Variants in PDIA5 observed in about 807,000 individuals in gnomAD.
PDIA5 encodes the protein protein disulfide-isomerase A5.
PDIA5 carries 58 observed loss-of-function variants against 77.6 expected under a neutral mutation model. That is an observed-to-expected ratio of 0.75 (90% CI 0.61 to 0.93). The LOEUF is 0.93. Among genes scored for constraint, PDIA5 ranks in the 40% least tolerant of loss-of-function variants. The probability of loss-of-function intolerance (pLI) is 0.00; values close to 1 mark genes in which losing one functional copy is unlikely to be tolerated. For synonymous variants in PDIA5, 250 were observed against 252.1 expected (o/e 0.99, Z 0.08); for missense variants, 630 against 647.7 (o/e 0.97, Z 0.30).
chr3:123,154,568 G>A (rs151288091), intron 14 of PDIA5, among the ~76,000 whole-genome samples: 2 of 152,230 alleles, frequency 1.3e-5, no homozygotes, highest in East Asian at 1.9e-4. Flanking sequence ...GTCAGGAAAT[G>A]GAGAGATTTG....
chr3:123,107,242 A>G (rs1288402942), intron 6 of PDIA5, among the ~76,000 whole-genome samples: 1 of 152,188 alleles, frequency 6.6e-6, no homozygotes, highest in Non-Finnish European at 1.5e-5. Flanking sequence ...TTAGATTTCC[A>G]GAGACTTGAG....
Position 123,145,618 on chromosome 3 carries a change from C to G in PDIA5, c.981+26C>G, listed in dbSNP as rs369994603. 14 of 1,571,518 alleles carry G rather than the reference C, an allele frequency of 8.9e-6. No homozygotes were observed. In the African/African-American group the frequency reaches 1.8e-4, roughly 20 times the overall value. On this transcript the variant is annotated intron_variant, in intron 12 of 16. Transcript: ENST00000316218. ...GTAAGCTTCCTTTCCTTCCCCCTCA[C>G]CGTTCTCTTTGAAAGAATCACTGAC... is the stretch of plus-strand genomic sequence containing the variant.
chr3:123,106,663 C>T, intron 5 of PDIA5, 86 bp from the exon 6 acceptor site: 1 of 922,596 alleles, frequency 1.1e-6, no homozygotes, highest in South Asian at 1.4e-5. Flanking sequence ...GGTCTCCAGG[C>T]AGGGAAAGAG....
At chr3:123,116,363 A>G (rs836840) in intron 8 of PDIA5, 65 bp downstream of exon 8, 935,090 of 1,224,990 alleles carry the variant, frequency 0.76, 360,500 homozygotes, top group Non-Finnish European at 0.79. Flanking sequence ...GAAGGGTGCC[A>G]GGGGTGGGGT....
intron 11 of PDIA5, among the ~76,000 whole-genome samples, chr3:123,139,901 A>G (rs1473549358): frequency 1.3e-5 from 2 of 152,234 alleles, no homozygotes; most frequent in Admixed American, 6.5e-5. Context: ...CTGCACATAC[A>G]GAGCCTCCAT....
chr3:123,154,954 C>T lies in PDIA5; in HGVS notation c.1274-17C>T. ...CATGCATCACAGTCCTGTGTGCTCTCTTCCCCTCTCACACAGGGTGCCCAC... is the reference window on the plus strand; with the variant it reads ...CATGCATCACAGTCCTGTGTGCTCTTTTCCCCTCTCACACAGGGTGCCCAC... On this transcript the variant is annotated splice_polypyrimidine_tract_variant and intron_variant, in intron 14 of 16. Transcript: ENST00000316218. The T allele has an allele frequency of 6.4e-7, 1 of 1,565,230 alleles. No individual in the cohort carries two copies. The highest frequency in any genetic ancestry group is 8.8e-7 in the Non-Finnish European group (1 of 1,135,506).
intron 11 of PDIA5, among the ~76,000 whole-genome samples, chr3:123,138,042 T>A (rs577060118): frequency 2.0e-4 from 30 of 152,274 alleles, no homozygotes; most frequent in African/African-American, 6.7e-4. Context: ...AACTCCTGGG[T>A]TCAAGTGATC....
At chr3:123,134,609 C>T (rs1051388457) in intron 11 of PDIA5, among the ~76,000 whole-genome samples, 3 of 152,206 alleles carry the variant, frequency 2.0e-5, no homozygotes, top group African/African-American at 7.2e-5. Flanking sequence ...CCCCCATCTC[C>T]CCATTGTCTT....
At chr3:123,100,446 C>T (rs1934557675) in intron 3 of PDIA5, among the ~76,000 whole-genome samples, 1 of 152,260 alleles carries the variant, frequency 6.6e-6, no homozygotes, top group East Asian at 1.9e-4. Context: ...TCTCTGGACT[C>T]TATCTTAAAA....
At chr3:123,106,168 C>T (rs1365507003) in intron 5 of PDIA5, among the ~76,000 whole-genome samples, 4 of 152,184 alleles carry the variant, frequency 2.6e-5, no homozygotes, top group Non-Finnish European at 4.4e-5. Flanking sequence ...TGGGGGCTTC[C>T]CAGCCTGGAC....
chr3:123,112,732 A>G (rs1228496393), intron 7 of PDIA5, among the ~76,000 whole-genome samples: 1 of 151,218 alleles, frequency 6.6e-6, no homozygotes, highest in African/African-American at 2.4e-5. Context: ...TAATTTTTGT[A>G]TATTTTTAGT....
chr3:123,099,567 G>A (rs778656383), intron 3 of PDIA5, among the ~76,000 whole-genome samples: 26 of 152,192 alleles, frequency 1.7e-4, no homozygotes, highest in African/African-American at 2.7e-4. Flanking sequence ...GTGAGGGCTC[G>A]TGGGGCGCTT....
At position 123,069,776 on chromosome 3, in the gene PDIA5, T is replaced by TTTCA. The variant is rs536278580; in HGVS notation, c.42+2572_42+2573insCATT. 9.2e-5 allele frequency among the ~76,000 whole-genome samples: 14 copies of TTTCA among 151,822 alleles called. No homozygotes were observed. The East Asian group carries it at 2.3e-3, about 25-fold the overall frequency. On this transcript the variant is annotated intron_variant, in intron 1 of 16. Transcript: ENST00000316218. ...GGGGGTTAGGATTTTAACATATGAATTTTCAGGGGAATGACAGAAATACTC... is the reference window on the plus strand; with the variant it reads ...GGGGGTTAGGATTTTAACATATGAATTTCATTTCAGGGGAATGACAGAAATACTC...
At chr3:123,152,965 C>CTT (rs5852323) in intron 14 of PDIA5, among the ~76,000 whole-genome samples, 50 of 143,296 alleles carry the variant, frequency 3.5e-4, no homozygotes, top group South Asian at 8.9e-4. Context: ...GAGGCAGTGC[C>CTT]TTTTTTTTTT....
At chr3:123,091,639 T>G (rs2107922164) in intron 2 of PDIA5, among the ~76,000 whole-genome samples, 1 of 152,300 alleles carries the variant, frequency 6.6e-6, no homozygotes, top group South Asian at 2.1e-4. Flanking sequence ...TGAGAAAGTC[T>G]TCCTTTCTTG....
intron 10 of PDIA5, among the ~76,000 whole-genome samples, chr3:123,129,050 C>T (rs1484981192): frequency 1.8e-5 from 2 of 113,002 alleles, no homozygotes; most frequent in Non-Finnish European, 3.9e-5. Flanking sequence ...ACCCGTCCTT[C>T]CAATTTTCGC....
At chr3:123,070,089 C>CAAA (rs771690653) in intron 1 of PDIA5, among the ~76,000 whole-genome samples, 7 of 72,370 alleles carry the variant, frequency 9.7e-5, no homozygotes, top group Non-Finnish European at 1.3e-4. Flanking sequence ...GACTCCATCT[C>CAAA]AAAAAAAAAA....
intron 15 of PDIA5, among the ~76,000 whole-genome samples, chr3:123,155,632 C>T (rs560178720): frequency 8.2e-4 from 125 of 152,314 alleles, no homozygotes; most frequent in African/African-American, 2.7e-3. Flanking sequence ...CCCCTGAATT[C>T]GGGGAAGTGT....
In PDIA5 at chr3:123,161,462, G is replaced by A. The variant is rs778953044; in HGVS notation, c.1479+7G>A. On this transcript the variant is annotated splice_region_variant and intron_variant, in intron 16 of 16. Coordinates refer to ENST00000316218, the MANE Select transcript of PDIA5 (RefSeq NM_006810.4). ...GTATGACAGCGACCGCACAGTAAGT[G>A]GGGGAGAGGCGTCTGCCCAGAGCTC... 7 of 1,612,920 alleles carry A rather than the reference G, an allele frequency of 4.3e-6. No individual in the cohort carries two copies. The highest frequency in any genetic ancestry group is 1.7e-5 in the Admixed American group (1 of 59,946).
Sources: gnomAD v4.1 joint callset for allele counts (sites outside exome capture counted in the v4.1 genomes callset) on GRCh38, gnomAD v4.1.1 for gene constraint, MANE v1.5 for transcripts, NCBI Gene and HGNC (gene_info 2026-07-23, HGNC 2026-07-21) for gene names.